The following HS2ST1 variants were observed in gnomAD, a reference collection of about 807,000 sequenced individuals.
HS2ST1 encodes 2-O-sulfotransferase.
HS2ST1 carries 18 observed loss-of-function variants against 42.9 expected under a neutral mutation model. The ratio of observed to expected loss-of-function variants is 0.42; its 90% CI spans 0.29 to 0.62. The LOEUF (loss-of-function observed/expected upper bound fraction) is 0.62. HS2ST1 is among the 20% of genes least tolerant of loss of function. The pLI is 0.21. For synonymous variants in HS2ST1, 146 were observed against 152.9 expected (o/e 0.95, Z 0.33); for missense variants, 334 against 433.8 (o/e 0.77, Z 2.04).
chr1:87,099,418 G>T (rs1466097526), intron 5 of HS2ST1, among the ~76,000 whole-genome samples: 3 of 152,152 alleles, frequency 2.0e-5, no homozygotes, highest in Non-Finnish European at 4.4e-5. Flanking sequence ...ATGGTTCCCA[G>T]ACTTTCAAAC....
intron 5 of HS2ST1, among the ~76,000 whole-genome samples, chr1:87,101,162 T>TG (rs1557546471): frequency 1.7e-4 from 19 of 114,054 alleles, no homozygotes; most frequent in South Asian, 6.8e-4. Context: ...TTTTGTTTTT[T>TG]TTTTTTTTTT....
At chr1:86,985,623 A>C (rs1462781315) in intron 1 of HS2ST1, among the ~76,000 whole-genome samples, 1 of 150,906 alleles carries the variant, frequency 6.6e-6, no homozygotes, top group Non-Finnish European at 1.5e-5. Flanking sequence ...AGATTTTTGG[A>C]ATACATTTGA....
chr1:87,089,620 G>C (rs1401741258), intron 3 of HS2ST1, among the ~76,000 whole-genome samples: 2 of 151,964 alleles, frequency 1.3e-5, no homozygotes, highest in Admixed American at 6.6e-5. Context: ...GTGTGGTCCA[G>C]TTGCTATTTT....
At chr1:87,031,357 A>AC (rs1218184017) in intron 1 of HS2ST1, among the ~76,000 whole-genome samples, 2 of 152,212 alleles carry the variant, frequency 1.3e-5, no homozygotes, top group African/African-American at 4.8e-5. Flanking sequence ...ACTCAGATAT[A>AC]CATGTTTTCT....
intron 5 of HS2ST1, among the ~76,000 whole-genome samples, chr1:87,101,456 G>A (rs969797397): frequency 9.9e-5 from 15 of 151,938 alleles, no homozygotes; most frequent in South Asian, 4.2e-4. Flanking sequence ...GTGAGCCACC[G>A]CACCCGACCA....
At position 86,985,301 on chromosome 1, in the gene HS2ST1, G is replaced by A. The variant is rs558476554; in HGVS notation, c.124+70141G>A. 4.4e-3 allele frequency among the ~76,000 whole-genome samples: 651 copies of A among 146,770 alleles called. 10 individuals carry two copies. Among genetic ancestry groups the A allele is most frequent in the African/African-American group, 0.016 (621 of 39,606 alleles). On this transcript the variant is annotated intron_variant, in intron 1 of 6. Transcript: ENST00000370550. ...ACCCAGGAGGTGGAGCTTGCAGTGA[G>A]CCGAGATCGTGCCACTGCACTCCAG...
intron 1 of HS2ST1, among the ~76,000 whole-genome samples, chr1:87,037,615 A>G (rs1425950998): frequency 6.6e-6 from 1 of 150,800 alleles, no homozygotes; most frequent in Admixed American, 6.6e-5. Flanking sequence ...TTTTTTTACC[A>G]CCATCTCCAA....
chr1:87,087,222 A>C (rs1445682075), intron 3 of HS2ST1, among the ~76,000 whole-genome samples: 1 of 152,124 alleles, frequency 6.6e-6, no homozygotes, highest in Non-Finnish European at 1.5e-5. Context: ...TTTCAAAAAC[A>C]CTTCTTCAGC....
intron 1 of HS2ST1, among the ~76,000 whole-genome samples, chr1:87,053,407 T>C (rs1650881152): frequency 6.6e-6 from 1 of 152,236 alleles, no homozygotes; most frequent in South Asian, 2.1e-4. Context: ...TCAAAATTAA[T>C]ATTTTAGCTG....
chr1:87,099,709 C>G (rs1003029027), intron 5 of HS2ST1, among the ~76,000 whole-genome samples: 1 of 152,114 alleles, frequency 6.6e-6, no homozygotes, highest in Admixed American at 6.5e-5. Context: ...CTCAAAAGTC[C>G]CAAGTCCAAA....
At chr1:87,097,235 G>A (rs757119500) in intron 4 of HS2ST1, among the ~76,000 whole-genome samples, 15 of 152,184 alleles carry the variant, frequency 9.9e-5, no homozygotes, top group Admixed American at 4.6e-4. Context: ...TTTCACTGTA[G>A]TTGGAAAGAC....
At chr1:87,032,796 A>T (rs1171028956) in intron 1 of HS2ST1, among the ~76,000 whole-genome samples, 3 of 152,190 alleles carry the variant, frequency 2.0e-5, no homozygotes, top group Non-Finnish European at 2.9e-5. Flanking sequence ...GCCTAAAAAA[A>T]CTATGAAATG....
chr1:87,037,655 C>G (rs1650414774), intron 1 of HS2ST1, among the ~76,000 whole-genome samples: 1 of 150,842 alleles, frequency 6.6e-6, no homozygotes, highest in East Asian at 1.9e-4. Context: ...ATAAAGTAAC[C>G]TATTATAAAT....
intron 1 of HS2ST1, among the ~76,000 whole-genome samples, chr1:87,056,172 G>T (rs547053389): frequency 2.0e-5 from 3 of 152,136 alleles, no homozygotes; most frequent in African/African-American, 7.2e-5. Flanking sequence ...CTCACTCTCT[G>T]AGGACTACAT....
chr1:87,086,194 C>T (rs924782618), intron 3 of HS2ST1, among the ~76,000 whole-genome samples: 1 of 152,034 alleles, frequency 6.6e-6, no homozygotes, highest in Non-Finnish European at 1.5e-5. Context: ...ACAGTCGTTC[C>T]TGGGGTATGT....
At chr1:86,954,057 A>ATT (rs1353489358) in intron 1 of HS2ST1, among the ~76,000 whole-genome samples, 48 of 149,664 alleles carry the variant, frequency 3.2e-4, no homozygotes, top group Admixed American at 1.3e-3. Flanking sequence ...AAAAAAAAAA[A>ATT]AAAAAAAAAA....
Position 87,030,607 on chromosome 1 carries a change from T to A in HS2ST1, c.125-42327T>A, listed in dbSNP as rs74227465. Among the ~76,000 whole-genome samples the A allele has an allele frequency of 2.9e-3, 444 of 152,306 alleles. 18 individuals carry two copies. In the East Asian group the frequency reaches 0.062, roughly 21 times the overall value. ...CAGTATTTTGAAGAAATCAGAGTAT[T>A]TGACTTAGTAATATTTCTTTCCAGA... is the stretch of plus-strand genomic sequence containing the variant. On this transcript the variant is annotated intron_variant, in intron 1 of 6. Coordinates refer to ENST00000370550, the MANE Select transcript of HS2ST1 (RefSeq NM_012262.4).
intron 1 of HS2ST1, among the ~76,000 whole-genome samples, chr1:87,065,941 C>G (rs1476777751): frequency 1.3e-5 from 2 of 152,088 alleles, no homozygotes; most frequent in Non-Finnish European, 1.5e-5. Flanking sequence ...GAGGGCAAGA[C>G]AATTTATTGC....
At chr1:86,990,828 ATATATATATTTTT>A (rs1461229793) in intron 1 of HS2ST1, among the ~76,000 whole-genome samples, 35 of 17,788 alleles carry the variant, frequency 2.0e-3, no homozygotes, top group South Asian at 7.2e-3. Flanking sequence ...ATATATATAT[ATATATATATTTTT>A]TTTTTTTTTT....
Sources: allele counts gnomAD v4.1 joint callset (sites outside exome capture counted in the v4.1 genomes callset), GRCh38; gene constraint gnomAD v4.1.1; transcripts MANE v1.5; gene names NCBI Gene and HGNC (gene_info 2026-07-23, HGNC 2026-07-21).